TTC34: variants seen among roughly 807,000 people sequenced by gnomAD.
TTC34 encodes tetratricopeptide repeat domain 34, also known as tetratricopeptide repeat protein 34.
A neutral mutation model predicts 40.7 loss-of-function variants in TTC34; 44 were observed. The observed-to-expected ratio is 1.08, with a 90% CI of 0.85 to 1.39. TTC34 has a LOEUF of 1.39. TTC34 is among the 40% of genes most tolerant of loss of function. The pLI, the probability that TTC34 is intolerant of heterozygous loss-of-function variation, is 0.00. For missense variants in TTC34, 884 were observed against 838.0 expected, an observed-to-expected ratio of 1.05 and a Z score of -0.68; for synonymous variants, 422 against 398.6, an observed-to-expected ratio of 1.06 and a Z score of -0.70.
chr1:2,753,262 T>G (rs1641386480), intron 6 of TTC34, among the ~76,000 whole-genome samples: 1 of 113,948 alleles, frequency 8.8e-6, no homozygotes, highest in Non-Finnish European at 1.7e-5. Flanking sequence ...ACACCCCAGG[T>G]GAGCATCTGA....
intron 6 of TTC34, among the ~76,000 whole-genome samples, chr1:2,683,144 C>CCCAGAACCCCAGGAGA: frequency 7.4e-6 from 1 of 135,576 alleles, no homozygotes; most frequent in East Asian, 2.1e-4. Context: ...TGGAACAGCA[C>CCCAGAACCCCAGGAGA]GCACAGCCCC....
chr1:2,786,146 A>G (rs977930676), intron 4 of TTC34, 123 bp from the exon 5 acceptor site: 3 of 886,874 alleles, frequency 3.4e-6, no homozygotes, highest in African/African-American at 3.5e-5. Flanking sequence ...CCTGGTGCCA[A>G]CGCTCCCAGT....
intron 6 of TTC34, among the ~76,000 whole-genome samples, chr1:2,684,422 A>T (rs1274765715): frequency 6.8e-6 from 1 of 147,596 alleles, no homozygotes; most frequent in South Asian, 2.1e-4. Context: ...GACAGACTGG[A>T]ACACCACCCT....
intron 3 of TTC34, 38 bp downstream of exon 3, chr1:2,789,465 G>A: frequency 1.3e-6 from 2 of 1,495,056 alleles, no homozygotes; most frequent in East Asian, 2.7e-5. Flanking sequence ...GAGACCCGCA[G>A]GAAGCAGCGG....
At chr1:2,692,439 T>C (rs797005909) in intron 6 of TTC34, among the ~76,000 whole-genome samples, 7 of 52,384 alleles carry the variant, frequency 1.3e-4, no homozygotes, top group African/African-American at 1.8e-4. Flanking sequence ...GGTGAGCATC[T>C]GACTGCCTGG....
chr1:2,694,755 C>A (rs537691852), intron 6 of TTC34, among the ~76,000 whole-genome samples: 1 of 76,858 alleles, frequency 1.3e-5, no homozygotes, highest in African/African-American at 4.2e-5. Context: ...CCCAAACCCA[C>A]AGGTGAGCAT....
chr1:2,747,551 C>CTCA (rs1641193746), intron 6 of TTC34, among the ~76,000 whole-genome samples: 1 of 73,176 alleles, frequency 1.4e-5, no homozygotes. Flanking sequence ...GAACAGAAAC[C>CTCA]CCACCCTCAG....
At chr1:2,701,237 G>A (rs1352091600) in intron 6 of TTC34, among the ~76,000 whole-genome samples, 7 of 1,528 alleles carry the variant, frequency 4.6e-3, no homozygotes, top group East Asian at 0.015. Context: ...TGAGCATCTG[G>A]CAGCCTGGAG....
intron 3 of TTC34, 123 bp from the exon 4 acceptor site, chr1:2,787,829 A>AGCTG: frequency 2.6e-6 from 2 of 766,130 alleles, no homozygotes; most frequent in Admixed American, 3.1e-5. Context: ...CTCCGGAGGG[A>AGCTG]CCCTCACGCC....
chr1:2,687,165 A>C (rs61765677), intron 6 of TTC34, among the ~76,000 whole-genome samples: 2,546 of 87,496 alleles, frequency 0.029, 102 homozygotes, highest in Admixed American at 0.046. Flanking sequence ...GTACCCACAC[A>C]CACAGGCGAG....
At chr1:2,683,668 C>G (rs1274751198) in intron 6 of TTC34, among the ~76,000 whole-genome samples, 2 of 146,902 alleles carry the variant, frequency 1.4e-5, no homozygotes, top group South Asian at 2.1e-4. Context: ...GAGCAGCACG[C>G]TGCACCCCCA....
At chr1:2,753,007 A>T (rs1334082563) in intron 6 of TTC34, among the ~76,000 whole-genome samples, 219 of 142,002 alleles carry the variant, frequency 1.5e-3, no homozygotes, top group African/African-American at 5.8e-3. Context: ...ATGGAATGGC[A>T]TCCTCACCTC....
At chr1:2,775,692 C>G (rs576643426) in intron 6 of TTC34, 14 of 147,970 alleles carry the variant, frequency 9.5e-5, no homozygotes, top group South Asian at 2.1e-4. Flanking sequence ...ATTTGCCAGC[C>G]AGGAACGGCA....
chr1:2,697,565 C>G (rs1479534193), intron 6 of TTC34, among the ~76,000 whole-genome samples: 409 of 68,096 alleles, frequency 6.0e-3, no homozygotes, highest in East Asian at 0.016. Context: ...CGCACCCACA[C>G]CCCCAGGTGA....
intron 6 of TTC34, among the ~76,000 whole-genome samples, chr1:2,694,123 GT>G (rs1640752731): frequency 1.1e-5 from 1 of 92,344 alleles, no homozygotes; most frequent in African/African-American, 4.7e-5. Context: ...AGGTGCGCAC[GT>G]GACAGCCTGG....
Position 2,755,638 on chromosome 1 carries a change from T to G in TTC34, c.2226+27971A>C, listed in dbSNP as rs1305636900. Among the ~76,000 whole-genome samples the G allele has an allele frequency of 3.3e-5, 4 of 122,048 alleles. 1 individual carries two copies. The East Asian group carries it at 1.1e-3, about 33-fold the overall frequency. 80.1% of individuals were successfully genotyped at this position (122,048 alleles called of 152,430 possible). A position where few individuals can be genotyped will look rare whatever the true frequency, so the allele number is the denominator to read the frequency against. On this transcript the variant is annotated intron_variant, in intron 6 of 8. Coordinates refer to ENST00000401095, the Ensembl canonical transcript of TTC34. ...GCACCCACACACCCAGGTGCGCATC[T>G]GATGGTCTGGAGCAGCACCCACAAC...
At chr1:2,693,605 G>C (rs1405016577) in intron 6 of TTC34, among the ~76,000 whole-genome samples, 1 of 34,202 alleles carries the variant, frequency 2.9e-5, no homozygotes, top group Admixed American at 3.6e-4. Flanking sequence ...GAACATCGGA[G>C]AGTCTGGAGC....
intron 6 of TTC34, among the ~76,000 whole-genome samples, chr1:2,683,138 A>T (rs1228475643): frequency 8.4e-6 from 1 of 119,388 alleles, no homozygotes; most frequent in African/African-American, 3.1e-5. Context: ...ACAGCCTGGA[A>T]CAGCACGCAC....
intron 6 of TTC34, among the ~76,000 whole-genome samples, chr1:2,758,467 G>T (rs1431522157): frequency 3.6e-5 from 3 of 84,066 alleles, no homozygotes; most frequent in Non-Finnish European, 6.4e-5. Flanking sequence ...GCCTGGAAGA[G>T]CACCCACACA....
Sources: gnomAD v4.1 joint callset for allele counts (sites outside exome capture counted in the v4.1 genomes callset) on GRCh38, gnomAD v4.1.1 for gene constraint, MANE v1.5 for transcripts, NCBI Gene and HGNC (gene_info 2026-07-23, HGNC 2026-07-21) for gene names.